NBPF3: variants seen among roughly 807,000 people sequenced by gnomAD.
NBPF3 encodes the protein NBPF family member NBPF3.
A neutral mutation model predicts 78.1 loss-of-function variants in NBPF3; 57 were observed. That is an observed-to-expected ratio of 0.73 (90% CI 0.59 to 0.91). The LOEUF is 0.91. Among genes scored for constraint, NBPF3 ranks in the 40% least tolerant of loss-of-function variants. NBPF3 has a pLI of 0.00. For missense variants in NBPF3, 510 were observed against 715.3 expected (o/e 0.71, Z 3.27); for synonymous variants, 182 against 271.7 (o/e 0.67, Z 3.25).
At chr1:21,472,752 C>T (rs1642667442) in intron 5 of NBPF3, 91 bp from the exon 6 acceptor site, 3 of 906,176 alleles carry the variant, frequency 3.3e-6, no homozygotes, top group Non-Finnish European at 5.6e-6. Flanking sequence ...GTGACCATGC[C>T]TAGATGTTCA....
At chr1:21,439,457 C>G (rs1463328669), upstream of NBPF3, among the ~76,000 whole-genome samples, 1 of 151,404 alleles carries the variant, frequency 6.6e-6, no homozygotes, top group East Asian at 1.9e-4. Flanking sequence ...CCATTGCACT[C>G]CATCCTGGGC....
chr1:21,468,983 A>G (rs1558496438), intron 3 of NBPF3, 86 bp downstream of exon 3: 6 of 1,108,576 alleles, frequency 5.4e-6, no homozygotes, highest in South Asian at 1.4e-5. Context: ...TCCATCAAAA[A>G]TAAGTTCAAC....
At position 21,460,913 on chromosome 1, in the gene NBPF3, A is replaced by G. The variant is rs1294813633; in HGVS notation, c.134-7775A>G. Among the ~76,000 whole-genome samples, 27 of 152,226 alleles carry G rather than the reference A, an allele frequency of 1.8e-4. No individual in the cohort carries two copies. The highest frequency in any genetic ancestry group is 1.6e-3 in the Admixed American group (25 of 15,290). The stretch of plus-strand genomic sequence containing the variant: ...CATTCAAAATATATAAAGAACTCCT[A>G]TAGGTTACAAGAAAATGACAAACAC... On this transcript the variant is annotated intron_variant, in intron 2 of 14. Transcript: ENST00000318249. The surrounding 1 kb of genome is among the most constrained non-coding windows in gnomAD (Gnocchi z 4.2).
In NBPF3 at chr1:21,473,601, C is replaced by G; in HGVS notation, c.940+16C>G. 6.3e-7 allele frequency: 1 copy of G among 1,599,544 alleles called. No homozygotes were observed. Among genetic ancestry groups the G allele is most frequent in the Non-Finnish European group, 8.6e-7 (1 of 1,166,656 alleles). On this transcript the variant is annotated intron_variant, in intron 7 of 14. Transcript: ENST00000318249. ...ATTATCCCAGGTAGCCTCTATTTTC[C>G]TGTGTCTCACACCTTTTCCTATGCT...
Position 21,471,741 on chromosome 1 carries a change from G to T in NBPF3, c.619G>T (p.Gly207Ter). The change falls in exon 5 of 15, where the codon GGA (glycine) becomes TGA (stop). Residue 207 changes from glycine (G) to a stop codon, truncating the protein, a stop_gained. Coordinates refer to ENST00000318249, the MANE Select transcript of NBPF3 (RefSeq NM_032264.6). LOFTEE classifies it high-confidence loss of function. ...GGACCTCCGAGAACAGCTGGCTGAG[G>T]GATGTAGGCTGGCACAGCACCTCGT... ...GRDLREQLAE[G>*]CRLAQHLVQK... The T allele has an allele frequency of 6.2e-7, 1 of 1,613,366 alleles. No homozygotes were observed.
chr1:21,474,816 C>A, intron 7 of NBPF3, 84 bp from the exon 8 acceptor site: 1 of 1,262,904 alleles, frequency 7.9e-7, no homozygotes, highest in Non-Finnish European at 1.1e-6. Flanking sequence ...TAGTTATGTC[C>A]TTGTCCTATG....
At chr1:21,441,694 G>A (rs576200721) in intron 1 of NBPF3, among the ~76,000 whole-genome samples, 1 of 142,718 alleles carries the variant, frequency 7.0e-6, no homozygotes, top group African/African-American at 2.7e-5. Flanking sequence ...ATGGCAGAGT[G>A]AGAGCCTATC....
chr1:21,448,681 A>G (rs1354932736), intron 2 of NBPF3, among the ~76,000 whole-genome samples: 1 of 152,148 alleles, frequency 6.6e-6, no homozygotes, highest in Non-Finnish European at 1.5e-5. Context: ...GGAGTTTTTA[A>G]TGCTCTAGCC....
At chr1:21,449,897 C>T (rs1378217086) in intron 2 of NBPF3, 4 of 636,304 alleles carry the variant, frequency 6.3e-6, no homozygotes, top group South Asian at 1.4e-4. Flanking sequence ...AAGTTGAGGG[C>T]AATATTTTTA....
chr1:21,471,916 A>G (rs1642621379), intron 5 of NBPF3, 133 bp downstream of exon 5: 3 of 1,270,490 alleles, frequency 2.4e-6, no homozygotes, highest in Admixed American at 2.0e-5. Context: ...GACATAAGTG[A>G]CATAACCAGG....
chr1:21,446,065 GA>G (rs1203024443), intron 2 of NBPF3: 1 of 152,540 alleles, frequency 6.6e-6, no homozygotes, highest in East Asian at 1.9e-4. Context: ...CCAGTGCAAG[GA>G]GAGAAGTCCA....
chr1:21,468,191 T>A (rs1642383050), intron 2 of NBPF3: 1 of 175,666 alleles, frequency 5.7e-6, no homozygotes, highest in South Asian at 1.6e-4. Flanking sequence ...TCTGCCTGGA[T>A]GGTGTTGTAC....
At chr1:21,456,300 C>CT (rs1364413987) in intron 2 of NBPF3, among the ~76,000 whole-genome samples, 1 of 152,182 alleles carries the variant, frequency 6.6e-6, no homozygotes, top group Admixed American at 6.5e-5. Flanking sequence ...ACAAATAACT[C>CT]TCCTCAAACT....
chr1:21,477,801 CT>C (rs1179487325), intron 8 of NBPF3, among the ~76,000 whole-genome samples: 1 of 152,188 alleles, frequency 6.6e-6, no homozygotes, highest in Non-Finnish European at 1.5e-5. Flanking sequence ...CACTTGAATG[CT>C]GCATGTAAAA....
At chr1:21,479,080 A>G (rs923417860) in intron 9 of NBPF3, among the ~76,000 whole-genome samples, 2 of 152,360 alleles carry the variant, frequency 1.3e-5, no homozygotes, top group East Asian at 3.9e-4. Flanking sequence ...ATTGGGAAAA[A>G]CATTGCTCAT....
Position 21,444,998 on chromosome 1 carries a change from C to T in NBPF3, c.-89C>T. The T allele has an allele frequency of 1.4e-6, 2 of 1,436,308 alleles. No individual in the cohort carries two copies. The highest frequency in any genetic ancestry group is 1.9e-6 in the Non-Finnish European group (2 of 1,064,326). The allele number at this position is 1,436,308 out of a possible 1,614,324, so 89.0% of individuals were successfully genotyped here. ...GACCCAGGCGAAGGTTCCTGGTGACCCAGGCTCTCACCAGCCAATTGTCCC... is the reference window on the plus strand; with the variant it reads ...GACCCAGGCGAAGGTTCCTGGTGACTCAGGCTCTCACCAGCCAATTGTCCC... On this transcript the variant is annotated 5_prime_UTR_variant, in exon 2 of 15. Coordinates refer to ENST00000318249, the MANE Select transcript of NBPF3 (RefSeq NM_032264.6).
intron 8 of NBPF3, among the ~76,000 whole-genome samples, chr1:21,477,477 T>C (rs1323162746): frequency 2.0e-5 from 3 of 152,198 alleles, no homozygotes; most frequent in African/African-American, 7.2e-5. Flanking sequence ...TGTCCTTTTG[T>C]TGACGTTGAT....
chr1:21,439,815 G>C (rs879268177), upstream of NBPF3, among the ~76,000 whole-genome samples: 3 of 152,168 alleles, frequency 2.0e-5, no homozygotes, highest in Non-Finnish European at 4.4e-5. Context: ...GGCCTCCGAG[G>C]GGGTGTGTCT....
chr1:21,479,482 A>C, intron 10 of NBPF3, 82 bp downstream of exon 10: 1 of 1,256,758 alleles, frequency 8.0e-7, no homozygotes, highest in Non-Finnish European at 1.2e-6. Context: ...ACATGCTGAA[A>C]ATGATGATTT....
Sources: gnomAD v4.1 joint callset for allele counts (sites outside exome capture counted in the v4.1 genomes callset) on GRCh38, gnomAD v4.1.1 for gene constraint, Gnocchi (gnomAD v3.1) non-coding constraint, MANE v1.5 for transcripts, NCBI Gene and HGNC (gene_info 2026-07-23, HGNC 2026-07-21) for gene names.